RAD51B: variants seen among roughly 807,000 people sequenced by gnomAD.
RAD51B encodes the protein DNA repair protein RAD51 homolog 2.
In RAD51B, 38 loss-of-function variants were observed where a neutral mutation model predicts 42.2. The observed-to-expected ratio is 0.90, with a 90% CI of 0.70 to 1.18. The LOEUF (loss-of-function observed/expected upper bound fraction) is 1.18, where lower values mean the gene tolerates loss of function less well. Ranked by LOEUF, RAD51B falls within the 50% of genes most tolerant of loss-of-function variation. RAD51B has a pLI of 0.00. For synonymous variants in RAD51B, 154 were observed against 145.2 expected (o/e 1.06, Z -0.43); for missense variants, 373 against 400.7 (o/e 0.93, Z 0.59).
chr14:68,115,829 T>G (rs1244596302), intron 7 of RAD51B, among the ~76,000 whole-genome samples: 1 of 152,186 alleles, frequency 6.6e-6, no homozygotes, highest in Non-Finnish European at 1.5e-5. Context: ...ACTAGCTCTG[T>G]GCATCACAGA....
intron 7 of RAD51B, among the ~76,000 whole-genome samples, chr14:68,259,824 T>C (rs2139537603): frequency 6.6e-6 from 1 of 152,264 alleles, no homozygotes; most frequent in Admixed American, 6.5e-5. Flanking sequence ...AGCAGCGATA[T>C]GGCTATGGCT....
At chr14:68,483,745 G>A (rs1213851134) in intron 10 of RAD51B, among the ~76,000 whole-genome samples, 3 of 152,190 alleles carry the variant, frequency 2.0e-5, no homozygotes, top group African/African-American at 7.2e-5. Context: ...TGCTCTGAAT[G>A]GGCTGCCTCC....
Position 67,995,670 on chromosome 14 carries a change from T to C in RAD51B, c.756+108466T>C, listed in dbSNP as rs570748149. Among the ~76,000 whole-genome samples the C allele has an allele frequency of 3.3e-5, 5 of 150,804 alleles. No homozygotes were observed. The South Asian group carries it at 6.3e-4, about 19-fold the overall frequency. On this transcript the variant is annotated intron_variant, in intron 7 of 10. Transcript: ENST00000471583. Reference sequence around the variant, plus strand: ...TCTCTGTCACCCAGGCTGGATGGAGTGCAGTGGCGCAATCTCAGCTCACTG... The same window carrying C: ...TCTCTGTCACCCAGGCTGGATGGAGCGCAGTGGCGCAATCTCAGCTCACTG...
rs192758701 is a variant in RAD51B at position 67,904,154 on chromosome 14, G to A, written c.756+16950G>A. Among the ~76,000 whole-genome samples the A allele has an allele frequency of 5.7e-4, 86 of 152,024 alleles. 1 individual carries two copies. The highest frequency in any genetic ancestry group is 2.0e-3 in the African/African-American group (81 of 41,420). On this transcript the variant is annotated intron_variant, in intron 7 of 10. Transcript: ENST00000471583. The stretch of plus-strand genomic sequence containing the variant: ...CCACATTTTCTTTATCTCGTTCACC[G>A]TTAGTGGGCATTTAGGTTGATTCCA...
intron 7 of RAD51B, among the ~76,000 whole-genome samples, chr14:68,016,890 A>T (rs1174094724): frequency 6.6e-6 from 1 of 152,252 alleles, no homozygotes; most frequent in African/African-American, 2.4e-5. Flanking sequence ...CTTTATAACA[A>T]CAAGGGAAAA....
intron 7 of RAD51B, among the ~76,000 whole-genome samples, chr14:68,197,930 G>T (rs2079405995): frequency 1.3e-5 from 2 of 151,922 alleles, no homozygotes; most frequent in Admixed American, 6.6e-5. Context: ...GCAGTCCGTG[G>T]CTTGTCATTT....
At chr14:68,141,340 G>T (rs2078123275) in intron 7 of RAD51B, among the ~76,000 whole-genome samples, 2 of 152,120 alleles carry the variant, frequency 1.3e-5, no homozygotes, top group Non-Finnish European at 2.9e-5. Flanking sequence ...CCAAGTAAAA[G>T]CTCTATAGGT....
At chr14:68,638,991 C>T (rs1449248076) in intron 10 of RAD51B, among the ~76,000 whole-genome samples, 1 of 152,076 alleles carries the variant, frequency 6.6e-6, no homozygotes, top group East Asian at 1.9e-4. Context: ...TATTGTCCTT[C>T]AGTCTGGAGG....
chr14:68,299,937 C>CA (rs974736349), intron 8 of RAD51B, among the ~76,000 whole-genome samples: 23 of 152,266 alleles, frequency 1.5e-4, no homozygotes, highest in African/African-American at 5.5e-4. Context: ...TTTTATCTTT[C>CA]ACACCTAGTA....
At chr14:68,331,366 T>TAAAAAAAAAAAAAAAAAAAAAAAAAAAAA (rs1477806707) in intron 8 of RAD51B, among the ~76,000 whole-genome samples, 1 of 14,130 alleles carries the variant, frequency 7.1e-5, no homozygotes, top group East Asian at 9.2e-4. Flanking sequence ...AGACTCTGTC[T>TAAAAAAAAAAAAAAAAAAAAAAAAAAAAA]CAAAAAAAAA....
chr14:68,066,284 A>C (rs536100083), intron 7 of RAD51B, among the ~76,000 whole-genome samples: 1 of 152,182 alleles, frequency 6.6e-6, no homozygotes, highest in Admixed American at 6.5e-5. Context: ...AATTTGAAAG[A>C]GTGTGTTTGA....
intron 8 of RAD51B, among the ~76,000 whole-genome samples, chr14:68,321,166 C>CA (rs1485214413): frequency 6.6e-6 from 1 of 151,996 alleles, no homozygotes; most frequent in Admixed American, 6.6e-5. Flanking sequence ...CCCTGCCCAC[C>CA]AAAAAAGTAA....
chr14:68,301,618 A>T, intron 8 of RAD51B, among the ~76,000 whole-genome samples: 1 of 117,754 alleles, frequency 8.5e-6, no homozygotes. Flanking sequence ...TTTTTTTGAG[A>T]CATACTTTTA....
At chr14:68,648,030 TATATATACAC>T (rs1304290078) in intron 10 of RAD51B, among the ~76,000 whole-genome samples, 9 of 104,528 alleles carry the variant, frequency 8.6e-5, no homozygotes, top group African/African-American at 3.0e-4. Context: ...TACGTATATA[TATATATACAC>T]ACGTATATAG....
intron 8 of RAD51B, among the ~76,000 whole-genome samples, chr14:68,319,677 C>A (rs750628081): frequency 6.6e-6 from 1 of 152,188 alleles, no homozygotes; most frequent in Non-Finnish European, 1.5e-5. Flanking sequence ...CCAGCTTTAA[C>A]TCAGAGGATC....
intron 11 of RAD51B, among the ~76,000 whole-genome samples, chr14:68,668,498 C>G (rs1893081161): frequency 6.6e-6 from 1 of 152,244 alleles, no homozygotes. Context: ...TCATGTCAGC[C>G]ACTTTCAAGG....
At chr14:67,937,776 A>T (rs1203599090) in intron 7 of RAD51B, among the ~76,000 whole-genome samples, 1 of 151,726 alleles carries the variant, frequency 6.6e-6, no homozygotes, top group Admixed American at 6.6e-5. Context: ...CCCTTACCAC[A>T]GCTTCAGGTT....
chr14:68,483,527 A>C (rs1454828330), intron 10 of RAD51B, among the ~76,000 whole-genome samples: 1 of 152,192 alleles, frequency 6.6e-6, no homozygotes, highest in Non-Finnish European at 1.5e-5. Context: ...TCAATGACAC[A>C]TTCAAGATAG....
At chr14:68,469,378 T>C (rs144571833) in intron 10 of RAD51B, among the ~76,000 whole-genome samples, 40 of 152,300 alleles carry the variant, frequency 2.6e-4, no homozygotes, top group African/African-American at 9.1e-4. Context: ...AATGTCTGCT[T>C]CTTAATGGAC....
Sources: allele counts gnomAD v4.1 joint callset (sites outside exome capture counted in the v4.1 genomes callset), GRCh38; gene constraint gnomAD v4.1.1; transcripts MANE v1.5; gene names NCBI Gene and HGNC (gene_info 2026-07-23, HGNC 2026-07-21).